Variants in KIF5B observed in about 807,000 individuals in gnomAD.
KIF5B encodes the protein kinesin-1 heavy chain.
KIF5B carries 49 observed loss-of-function variants against 132.8 expected under a neutral mutation model. The ratio of observed to expected loss-of-function variants is 0.37; its 90% CI spans 0.29 to 0.47. The LOEUF (loss-of-function observed/expected upper bound fraction) is 0.47. Among genes scored for constraint, KIF5B ranks in the 20% least tolerant of loss-of-function variants. The pLI, the probability that KIF5B is intolerant of heterozygous loss-of-function variation, is 1.00. For synonymous variants in KIF5B, 355 were observed against 369.4 expected (o/e 0.96, Z 0.45); for missense variants, 780 against 1,144.0 (o/e 0.68, Z 4.59).
intron 25 of KIF5B, among the ~76,000 whole-genome samples, chr10:32,014,215 T>C (rs940358938): frequency 2.6e-5 from 4 of 152,062 alleles, no homozygotes; most frequent in Non-Finnish European, 5.9e-5. Context: ...TATTGCTAAG[T>C]TTAAAAAGCA....
At chr10:32,028,863 G>A (rs898126438) in intron 14 of KIF5B, among the ~76,000 whole-genome samples, 1 of 152,096 alleles carries the variant, frequency 6.6e-6, no homozygotes, top group African/African-American at 2.4e-5. Context: ...CTAAAAATGG[G>A]AAGCCTCAAA....
intron 14 of KIF5B, among the ~76,000 whole-genome samples, chr10:32,029,638 C>CA (rs1841376778): frequency 6.6e-6 from 1 of 152,156 alleles, no homozygotes; most frequent in Non-Finnish European, 1.5e-5. Context: ...AACTGAACAG[C>CA]AACACTGTCT....
At chr10:32,020,817 C>G (rs1841248751) in intron 19 of KIF5B, among the ~76,000 whole-genome samples, 1 of 151,798 alleles carries the variant, frequency 6.6e-6, no homozygotes, top group Admixed American at 6.6e-5. Flanking sequence ...TTTTCTTTTA[C>G]TGAATAATTT....
intron 25 of KIF5B, among the ~76,000 whole-genome samples, chr10:32,014,249 G>A (rs557515431): frequency 1.6e-4 from 25 of 152,194 alleles, no homozygotes; most frequent in East Asian, 5.8e-4. Context: ...AAAATTAGCC[G>A]GTGTGGTGGT....
In KIF5B at chr10:32,009,924, A is replaced by G. The variant is rs890331606; in HGVS notation, c.*1613T>C. 2 of 152,112 alleles carry G rather than the reference A, an allele frequency of 1.3e-5. No homozygotes were observed. The highest frequency in any genetic ancestry group is 6.5e-5 in the Admixed American group (1 of 15,274). The allele number at this position is 152,112 out of a possible 1,614,324, so 9.4% of individuals were successfully genotyped here. On this transcript the variant is annotated 3_prime_UTR_variant, in exon 26 of 26. Transcript: ENST00000302418. ...TAGAGGTTGCAGACTACAACAGCAA[A>G]GATTTTTGACTATTAAAAAAATAAA...
rs537217592 is a variant in KIF5B, at chr10:32,010,777, C to T, written c.*760G>A. The T allele has an allele frequency of 1.3e-5, 2 of 152,262 alleles. No individual in the cohort carries two copies. The highest frequency in any genetic ancestry group is 4.1e-4 in the South Asian group (2 of 4,822). The allele number at this position is 152,262 out of a possible 1,614,324, so 9.4% of individuals were successfully genotyped here. On this transcript the variant is annotated 3_prime_UTR_variant, in exon 26 of 26. Transcript: ENST00000302418. ...AGAGAAATATAATTCCTTTTCCAAA[C>T]TCCCTTAAACTAAGATCTGCTTTTG...
rs145360044 is a variant in KIF5B at position 32,018,140 on chromosome 10, G to A, written c.2456C>T (p.Ser819Phe). 6.2e-7 allele frequency: 1 copy of A among 1,606,722 alleles called. No individual in the cohort carries two copies. The highest frequency in any genetic ancestry group is 1.3e-5 in the African/African-American group (1 of 74,536). ...TRVKKSAEID[S>F]DDTGGSAAQK... ...AGCAGCGCTGCCTCCGGTGTCATCAGAATCAATCTCAGCACTCTGAGAAAA... is the reference window on the plus strand; with the variant it reads ...AGCAGCGCTGCCTCCGGTGTCATCAAAATCAATCTCAGCACTCTGAGAAAA... The change falls in exon 23 of 26, where the codon TCT (serine) becomes TTT (phenylalanine). Residue 819 changes from serine (S) to phenylalanine (F), a missense_variant. This residue lies in a region of KIF5B where 471 missense variants were observed against 569.9 expected (regional missense o/e 0.83). Transcript: ENST00000302418.
rs1298661629 is a variant in KIF5B, at chr10:32,018,330, T to C, written c.2425A>G (p.Thr809Ala). The C allele has an allele frequency of 2.0e-6, 3 of 1,510,856 alleles. No homozygotes were observed. The highest frequency in any genetic ancestry group is 2.3e-5 in the Admixed American group (1 of 43,334). The allele number at this position is 1,510,856 out of a possible 1,614,324, so 93.6% of individuals were successfully genotyped here. A position where few individuals can be genotyped will look rare whatever the true frequency, so the allele number is the denominator to read the frequency against. Reference protein sequence around the residue: ...LRKLFVQDLATRVKKSAEIDS... With the variant: ...LRKLFVQDLAARVKKSAEIDS... ...AGTTACATTACCTTTTTAACTCTTG[T>C]AGCCAGGTCCTGAACAAAGAGTTTG... The change falls in exon 22 of 26, where the codon ACA becomes GCA. Residue 809 changes from threonine to alanine, a missense_variant. Physicochemically the swap from Thr to Ala is moderately conservative, Grantham distance 58. Coordinates refer to ENST00000302418, the MANE Select transcript of KIF5B (RefSeq NM_004521.3).
rs546021057 is a variant in KIF5B, at chr10:32,056,200, TGGCGGCGGCAGC to T, written c.-239_-228del. ...CACTTCCGATCCATCATGGCAGCCATGGCGGCGGCAGCGGCGGCGGCACCGGGGAGAGCGTCC... is the reference window on the plus strand; with the variant it reads ...CACTTCCGATCCATCATGGCAGCCATGGCGGCGGCACCGGGGAGAGCGTCC... On this transcript the variant is annotated 5_prime_UTR_variant, in exon 1 of 26. Coordinates refer to ENST00000302418, the MANE Select transcript of KIF5B (RefSeq NM_004521.3). 4.3e-4 allele frequency: 214 copies of T among 496,738 alleles called. 2 individuals are homozygous for T. Among genetic ancestry groups the T allele is most frequent in the South Asian group, 3.7e-3 (151 of 40,984 alleles). 30.8% of individuals were successfully genotyped at this position (496,738 alleles called of 1,614,324 possible). A position where few individuals can be genotyped will look rare whatever the true frequency, so the allele number is the denominator to read the frequency against.
intron 15 of KIF5B, among the ~76,000 whole-genome samples, chr10:32,024,449 C>T (rs1364854869): frequency 6.7e-6 from 1 of 150,074 alleles, no homozygotes; most frequent in Non-Finnish European, 1.5e-5. Context: ...CCACCGCGCC[C>T]GGCCGAAGAA....
At chr10:32,020,992 T>C in intron 19 of KIF5B, 30 bp downstream of exon 19, 1 of 1,250,546 alleles carries the variant, frequency 8.0e-7, no homozygotes, top group Non-Finnish European at 1.2e-6. Context: ...ACCGATTCTT[T>C]CCTCCTAACT....
chr10:32,055,576 G>A (rs929439217), intron 1 of KIF5B, among the ~76,000 whole-genome samples: 1 of 152,008 alleles, frequency 6.6e-6, no homozygotes, highest in Non-Finnish European at 1.5e-5. Context: ...CTGCCCGGAC[G>A]TTCCTCCATT....
intron 2 of KIF5B, among the ~76,000 whole-genome samples, chr10:32,047,348 T>C (rs879157197): frequency 6.6e-6 from 1 of 152,178 alleles, no homozygotes; most frequent in Non-Finnish European, 1.5e-5. Context: ...GGTCCACCAT[T>C]ATAATCACTC....
intron 20 of KIF5B, among the ~76,000 whole-genome samples, 169 bp from the exon 21 acceptor site, chr10:32,018,731 T>A (rs211377): frequency 3.5e-4 from 41 of 116,472 alleles, no homozygotes; most frequent in East Asian, 1.4e-3. Context: ...AAAAAAAAAA[T>A]TTTTTTTTTT....
rs569836384 is a variant in KIF5B, at chr10:32,013,894, A to G, written c.*20+1615T>C. 3.9e-5 allele frequency among the ~76,000 whole-genome samples: 6 copies of G among 152,350 alleles called. No individual in the cohort carries two copies. The South Asian group carries it at 1.2e-3, about 32-fold the overall frequency. On this transcript the variant is annotated intron_variant, in intron 25 of 25. Coordinates refer to ENST00000302418, the MANE Select transcript of KIF5B (RefSeq NM_004521.3). ...ACTCTACCACTGTTTTAAATCCTAC[A>G]TTGTGTGAACAAAACGTTTAAAATT...
intron 15 of KIF5B, among the ~76,000 whole-genome samples, chr10:32,028,123 C>A (rs1423810544): frequency 1.3e-5 from 2 of 151,942 alleles, no homozygotes; most frequent in Non-Finnish European, 2.9e-5. Context: ...GCCACCATGC[C>A]AGGCTCATTT....
In KIF5B at chr10:32,022,876, A is replaced by G; in HGVS notation, c.1886T>C (p.Leu629Ser). 1.3e-6 allele frequency: 2 copies of G among 1,597,328 alleles called. No homozygotes were observed. Among genetic ancestry groups the G allele is most frequent in the Non-Finnish European group, 1.7e-6 (2 of 1,165,092 alleles). Residue 629 changes from leucine to serine, a missense_variant, in exon 16 of 26, where the codon TTA becomes TCA. Coordinates refer to ENST00000302418, the MANE Select transcript of KIF5B (RefSeq NM_004521.3). ...NKKMEENEKE[L>S]AACQLRISQH... is the part of the protein sequence containing the mutation. ...AGAGATACGAAGCTGACATGCTGCT[A>G]ACTCCTTTTCATTTTCTTCCATTTT...
chr10:32,012,335 C>A (rs1166384609), intron 25 of KIF5B, among the ~76,000 whole-genome samples: 1 of 152,046 alleles, frequency 6.6e-6, no homozygotes, highest in Non-Finnish European at 1.5e-5. Flanking sequence ...CTTAGGCGGG[C>A]GTGGTAGTGG....
chr10:32,048,530 G>C lies in KIF5B; in HGVS notation c.148C>G (p.Arg50Gly), dbSNP rs754327698. The C allele has an allele frequency of 6.2e-7, 1 of 1,613,328 alleles. No homozygotes were observed. Among genetic ancestry groups the C allele is most frequent in the South Asian group, 1.1e-5 (1 of 91,000 alleles). Residue 50 changes from arginine (R) to glycine (G), a missense_variant, in exon 2 of 26, where the codon CGG becomes GGG. This residue lies in a region of KIF5B where 66 missense variants were observed against 83.4 expected (regional missense o/e 0.79). Transcript: ENST00000302418. ...VIASKPYAFD[R>G]VFQSSTSQEQ... ...TGAGATGTGCTTGACTGGAACACCC[G>C]ATCAAATGCATAAGGCTTGGACTGA...
Sources: gnomAD v4.1 joint callset for allele counts (sites outside exome capture counted in the v4.1 genomes callset) on GRCh38, gnomAD v4.1.1 for gene constraint, gnomAD v4.1.1 regional missense constraint, MANE v1.5 for transcripts, NCBI Gene and HGNC (gene_info 2026-07-23, HGNC 2026-07-21) for gene names.